Variants in HMGN5 observed in about 807,000 individuals in gnomAD.
HMGN5 encodes the protein high mobility group nucleosome binding domain 5, also known as high mobility group nucleosome-binding domain-containing protein 5.
Under a neutral mutation model 9.5 loss-of-function variants are expected in HMGN5, and 4 were observed. The observed-to-expected ratio is 0.42, with a 90% confidence interval of 0.21 to 0.96. HMGN5 has a LOEUF of 0.96. HMGN5 is among the 40% of genes least tolerant of loss of function. The pLI is 0.30. For missense variants in HMGN5, 192 were observed against 187.5 expected, an observed-to-expected ratio of 1.02 and a Z score of -0.14; for synonymous variants, 55 against 57.1, an observed-to-expected ratio of 0.96 and a Z score of 0.16.
At chrX:81,151,434 C>A (rs1660606387) in intron 1 of HMGN5, among the ~76,000 whole-genome samples, 1 of 111,046 alleles carries the variant, frequency 9.0e-6, no homozygotes, top group South Asian at 3.8e-4. Context: ...GATGTAGGCT[C>A]TTTTTTGGTT....
chrX:81,194,372 T>C lies in HMGN5; in HGVS notation c.-124+7365A>G, dbSNP rs187160249. Among the ~76,000 whole-genome samples, 31 of 111,100 alleles carry C rather than the reference T, an allele frequency of 2.8e-4. No homozygotes were observed. The East Asian group carries it at 5.9e-3, about 21-fold the overall frequency. On this transcript the variant is annotated intron_variant, in intron 1 of 6. Transcript: ENST00000358130. ...AGGCTAGCCTCAGGATAAAAGTTAC[T>C]TGCAACACATAGGGACAAAATGTTG...
At position 81,114,692 on chromosome X, in the gene HMGN5, T is replaced by G. The variant is rs1188849749; in HGVS notation, c.806A>C (p.Lys269Thr). The change falls in exon 7 of 7, where the codon AAA (lysine) becomes ACA (threonine). Residue 269 changes from lysine to threonine, a missense_variant. Transcript: ENST00000358130. ...EEEGKEEDEI[K>T]EDDGKKEEPQ... ...CTCCTCTTTTTTTCCATCATCTTCT[T>G]TGATCTCATCTTCCTCTTTTCCTTC... 1 of 1,151,173 alleles carries G rather than the reference T, an allele frequency of 8.7e-7. No individual in the cohort carries two copies. The highest frequency in any genetic ancestry group is 2.9e-5 in the Admixed American group (1 of 35,082). 94.9% of individuals were successfully genotyped at this position (1,151,173 alleles called of 1,213,427 possible). A position where few individuals can be genotyped will look rare whatever the true frequency, so the allele number is the denominator to read the frequency against.
rs748997048 is a variant in HMGN5 at position 81,175,201 on chromosome X, G to A, written c.-124+26536C>T. ...TGGATTCACTAAGAATGTATTATGC[G>A]AAACCAGTGTTACTCAAACTGGTGT... On this transcript the variant is annotated intron_variant, in intron 1 of 6. Coordinates refer to ENST00000358130, the MANE Select transcript of HMGN5 (RefSeq NM_030763.3). Among the ~76,000 whole-genome samples the A allele has an allele frequency of 3.4e-3, 376 of 112,000 alleles. 2 individuals carry two copies. Among genetic ancestry groups the A allele is most frequent in the African/African-American group, 0.012 (359 of 30,905 alleles).
intron 1 of HMGN5, among the ~76,000 whole-genome samples, chrX:81,198,307 CTT>C (rs1280200091): frequency 9.1e-6 from 1 of 109,979 alleles, no homozygotes; most frequent in Non-Finnish European, 1.9e-5. Context: ...AAATTGCTAA[CTT>C]TTTTTTTAGT....
intron 1 of HMGN5, among the ~76,000 whole-genome samples, chrX:81,180,251 T>G (rs1367484016): frequency 9.0e-6 from 1 of 111,235 alleles, no homozygotes; most frequent in Non-Finnish European, 1.9e-5. Context: ...GAAACTACCA[T>G]CAGAGTGAAC....
At position 81,130,079 on chromosome X, in the gene HMGN5, G is replaced by A. The variant is rs1199323213; in HGVS notation, c.-123-8407C>T. Among the ~76,000 whole-genome samples, 3 of 111,208 alleles carry A rather than the reference G, an allele frequency of 2.7e-5. No individual in the cohort carries two copies. In the East Asian group the frequency reaches 8.4e-4, roughly 31 times the overall value. On this transcript the variant is annotated intron_variant, in intron 1 of 6. Transcript: ENST00000358130. ...GAATTAGAAAATGATTTATTTCCTT[G>A]TATAGGGAAGATTTATACCAGGAAC...
intron 1 of HMGN5, among the ~76,000 whole-genome samples, chrX:81,145,301 A>T (rs1228856164): frequency 8.9e-6 from 1 of 112,083 alleles, no homozygotes; most frequent in East Asian, 2.8e-4. Flanking sequence ...CTAACAGCAG[A>T]TCTCTCAGCA....
chrX:81,139,207 A>G (rs748513186), intron 1 of HMGN5, among the ~76,000 whole-genome samples: 106 of 112,782 alleles, frequency 9.4e-4, no homozygotes, highest in African/African-American at 3.0e-3. Context: ...GAATCACTTC[A>G]TATCATGTTA....
At chrX:81,118,285 G>T in intron 5 of HMGN5, 147 bp downstream of exon 5, 1 of 369,917 alleles carries the variant, frequency 2.7e-6, no homozygotes, top group South Asian at 7.2e-5. Context: ...CCACCCAAGG[G>T]GTTTACATGT....
intron 1 of HMGN5, among the ~76,000 whole-genome samples, chrX:81,196,553 T>TTTTTG (rs1196415162): frequency 9.2e-6 from 1 of 108,903 alleles, no homozygotes; most frequent in African/African-American, 3.3e-5. Context: ...TTGTTTTTTG[T>TTTTTG]TTTTGTTTTG....
intron 1 of HMGN5, among the ~76,000 whole-genome samples, chrX:81,131,573 T>G (rs955475746): frequency 9.0e-6 from 1 of 111,651 alleles, no homozygotes; most frequent in Non-Finnish European, 1.9e-5. Flanking sequence ...TTGCTTAAAA[T>G]GTTGACAAGA....
rs771986775 is a variant in HMGN5, at chrX:81,172,321, G to C, written c.-124+29416C>G. Among the ~76,000 whole-genome samples the C allele has an allele frequency of 3.6e-5, 4 of 111,100 alleles. No individual in the cohort carries two copies. In the South Asian group the frequency reaches 1.5e-3, roughly 41 times the overall value. On this transcript the variant is annotated intron_variant, in intron 1 of 6. Coordinates refer to ENST00000358130, the MANE Select transcript of HMGN5 (RefSeq NM_030763.3). ...TTAGGAAAATTTTAACCTAAGCTGG[G>C]TATTAGATGTTATTAAAACATTATT... is the stretch of plus-strand genomic sequence containing the variant.
rs764787770 is a variant in HMGN5 at position 81,115,161 on chromosome X, C to T, written c.337G>A (p.Gly113Arg). The change falls in exon 7 of 7, where the codon GGA becomes AGA. Residue 113 changes from glycine (G) to arginine (R), a missense_variant. By Grantham distance (125) the Gly-to-Arg change is moderately radical. Transcript: ENST00000358130. Reference protein sequence around the residue: ...ENIEDATEKGGEKKEAVAAEV... With the variant: ...ENIEDATEKGREKKEAVAAEV... ...GCTGCCACTGCTTCTTTCTTTTCTC[C>T]TCCCTTTTCTGTGGCATCTTCAATA... 8.6e-7 allele frequency: 1 copy of T among 1,164,702 alleles called. No individual in the cohort carries two copies. The highest frequency in any genetic ancestry group is 2.0e-5 in the South Asian group (1 of 48,978).
chrX:81,142,855 T>G (rs2075333417), intron 1 of HMGN5, among the ~76,000 whole-genome samples: 1 of 111,627 alleles, frequency 9.0e-6, no homozygotes, highest in Admixed American at 9.5e-5. Flanking sequence ...GTGGTGTGTA[T>G]ACTACTCTTG....
In HMGN5 at chrX:81,114,751, AG is replaced by A; in HGVS notation, c.746del (p.Ala249ValfsTer8). The A allele has an allele frequency of 8.6e-7, 1 of 1,157,652 alleles. No individual in the cohort carries two copies. Among genetic ancestry groups the A allele is most frequent in the Non-Finnish European group, 1.2e-6 (1 of 869,003 alleles). On this transcript the variant is annotated frameshift_variant, in exon 7 of 7. Coordinates refer to ENST00000358130, the MANE Select transcript of HMGN5 (RefSeq NM_030763.3). LOFTEE classifies it low-confidence loss of function (END_TRUNC). ...CTTTTAAATCTTCTTTCTCTTTTCC[AG>A]CTTCTTCCTCATTTCCACCTTCATC... is the stretch of plus-strand genomic sequence containing the variant. ...KEDEGGNEEE[A>X]GKEKEDLKEE... is the part of the protein sequence containing the mutation.
chrX:81,189,382 A>G (rs2075487609), intron 1 of HMGN5, among the ~76,000 whole-genome samples: 1 of 110,919 alleles, frequency 9.0e-6, no homozygotes, highest in South Asian at 3.7e-4. Flanking sequence ...AGCTCTACCT[A>G]TTTGTCTCTA....
rs754456117 is a variant in HMGN5 at position 81,159,688 on chromosome X, AT to A, written c.-123-38017del. The stretch of plus-strand genomic sequence containing the variant: ...ATACTTAACTTACCTGTGAAATTCT[AT>A]TTTTTTTTTTTGATAGAGACAGTGT... On this transcript the variant is annotated intron_variant, in intron 1 of 6. Coordinates refer to ENST00000358130, the MANE Select transcript of HMGN5 (RefSeq NM_030763.3). Among the ~76,000 whole-genome samples, 268 of 103,577 alleles carry A rather than the reference AT, an allele frequency of 2.6e-3. 5 individuals are homozygous for A. The East Asian group carries it at 0.043, about 17-fold the overall frequency. The allele number at this position is 103,577 out of a possible 115,157, so 89.9% of individuals were successfully genotyped here.
At chrX:81,118,002 A>T (rs1451462295) in intron 5 of HMGN5, among the ~76,000 whole-genome samples, 37 of 109,968 alleles carry the variant, frequency 3.4e-4, no homozygotes, top group Non-Finnish European at 1.9e-5. Context: ...ATGCAAATAC[A>T]TCTTACATAT....
chrX:81,172,876 G>A (rs750648384), intron 1 of HMGN5, among the ~76,000 whole-genome samples: 2 of 110,793 alleles, frequency 1.8e-5, no homozygotes, highest in East Asian at 5.6e-4. Flanking sequence ...GAGAAATATG[G>A]ATTAAACTAC....
Sources: gnomAD v4.1 joint callset for allele counts (sites outside exome capture counted in the v4.1 genomes callset) on GRCh38, gnomAD v4.1.1 for gene constraint, MANE v1.5 for transcripts, NCBI Gene and HGNC (gene_info 2026-07-23, HGNC 2026-07-21) for gene names.